KSR2: variants seen among roughly 807,000 people sequenced by gnomAD.
KSR2 encodes the protein kinase suppressor of ras 2.
A neutral mutation model predicts 107.8 loss-of-function variants in KSR2; 25 were observed. The ratio of observed to expected loss-of-function variants is 0.23; its 90% CI spans 0.17 to 0.32. The LOEUF (loss-of-function observed/expected upper bound fraction) is 0.32, where lower values mean the gene tolerates loss of function less well. Among genes scored for constraint, KSR2 ranks in the 10% least tolerant of loss-of-function variants. KSR2 has a pLI of 1.00. For synonymous variants in KSR2, 480 were observed against 507.0 expected, an observed-to-expected ratio of 0.95 and a Z score of 0.71; for missense variants, 887 against 1,268.9, an observed-to-expected ratio of 0.70 and a Z score of 4.57.
chr12:117,763,670 T>C (rs890884588), intron 3 of KSR2, among the ~76,000 whole-genome samples: 2 of 152,138 alleles, frequency 1.3e-5, no homozygotes, highest in Admixed American at 6.5e-5. Context: ...TGGGCTAAGG[T>C]GCAGATTGGC....
At chr12:117,496,873 CAG>C (rs1295756258) in intron 14 of KSR2, among the ~76,000 whole-genome samples, 2 of 148,376 alleles carry the variant, frequency 1.3e-5, no homozygotes, top group Admixed American at 6.7e-5. Context: ...TTTTTTGAGA[CAG>C]AGTCTCGCTC....
intron 4 of KSR2, among the ~76,000 whole-genome samples, chr12:117,712,166 T>C (rs1000639217): frequency 6.6e-6 from 1 of 152,030 alleles, no homozygotes. Flanking sequence ...GCAGGTGAGG[T>C]AGAAACCCAA....
chr12:117,786,009 G>A (rs1253232527), intron 3 of KSR2, among the ~76,000 whole-genome samples: 7 of 151,944 alleles, frequency 4.6e-5, no homozygotes, highest in African/African-American at 1.2e-4. Flanking sequence ...AGAAAACCAC[G>A]CCTAGGCACA....
chr12:117,843,833 A>G (rs1480312229), intron 3 of KSR2, among the ~76,000 whole-genome samples: 1 of 151,890 alleles, frequency 6.6e-6, no homozygotes, highest in Non-Finnish European at 1.5e-5. Context: ...CCCTTCCAAC[A>G]GCTGGACGTA....
At chr12:117,856,150 G>A (rs1303308357) in intron 2 of KSR2, among the ~76,000 whole-genome samples, 1 of 152,170 alleles carries the variant, frequency 6.6e-6, no homozygotes, top group African/African-American at 2.4e-5. Context: ...AACTAGGTTT[G>A]TTTTTGAGCC....
At chr12:117,614,100 A>C (rs1317999047) in intron 5 of KSR2, among the ~76,000 whole-genome samples, 1 of 152,234 alleles carries the variant, frequency 6.6e-6, no homozygotes, top group East Asian at 1.9e-4. Flanking sequence ...TGCCATATAC[A>C]TATATGTACT....
intron 4 of KSR2, among the ~76,000 whole-genome samples, chr12:117,713,185 T>C (rs1174412445): frequency 6.6e-6 from 1 of 151,432 alleles, no homozygotes; most frequent in African/African-American, 2.4e-5. Flanking sequence ...GATGGATAGT[T>C]ATAGATATGT....
chr12:117,674,478 A>G (rs1350527809), intron 4 of KSR2: 1 of 448,812 alleles, frequency 2.2e-6, no homozygotes, highest in Non-Finnish European at 4.5e-6. Context: ...ACCACTTCAA[A>G]AGGAAATCCC....
intron 4 of KSR2, among the ~76,000 whole-genome samples, chr12:117,743,472 T>A (rs1888295964): frequency 6.6e-6 from 1 of 152,056 alleles, no homozygotes; most frequent in Admixed American, 6.6e-5. Context: ...TGACTTGAGG[T>A]TTTCCAGAAC....
At chr12:117,953,639 T>C (rs916260436) in intron 1 of KSR2, among the ~76,000 whole-genome samples, 2 of 152,190 alleles carry the variant, frequency 1.3e-5, no homozygotes, top group African/African-American at 2.4e-5. Flanking sequence ...ACAGTTACCA[T>C]GTGCTGGGCC....
intron 4 of KSR2, 150 bp downstream of exon 4, chr12:117,760,861 C>T: frequency 1.0e-6 from 1 of 955,102 alleles, no homozygotes; most frequent in Non-Finnish European, 1.6e-6. Context: ...TTGCTCAGAA[C>T]CCTCTGTGAA....
chr12:117,566,740 A>G (rs1878518657), intron 7 of KSR2, among the ~76,000 whole-genome samples: 1 of 152,174 alleles, frequency 6.6e-6, no homozygotes, highest in Non-Finnish European at 1.5e-5. Flanking sequence ...GGGCTATGCT[A>G]GGCACTGGAG....
intron 5 of KSR2, among the ~76,000 whole-genome samples, chr12:117,595,351 C>CTTTTTTTTTTTTTTT (rs71099060): frequency 1.1e-5 from 1 of 94,596 alleles, no homozygotes. Flanking sequence ...AGATCAAATT[C>CTTTTTTTTTTTTTTT]TTTTTTTTTT....
rs1386040181 is a variant in KSR2, at chr12:117,860,342, G to A, written c.270C>T (p.Pro90=). The change falls in exon 2 of 20, where the codon CCC becomes CCT. Residue 90 remains proline (P), a synonymous_variant. Coordinates refer to ENST00000339824, the MANE Select transcript of KSR2 (RefSeq NM_173598.6). ...QERNAELDGF[P]QLRHWFRIVD... ...CGATTCGGAACCAGTGCCGTAGCTG[G>A]GGGAAGCCGTCCAGCTCCGCGTTGC... 2.5e-6 allele frequency: 4 copies of A among 1,613,752 alleles called. No individual in the cohort carries two copies. Among genetic ancestry groups the A allele is most frequent in the Non-Finnish European group, 3.4e-6 (4 of 1,179,820 alleles).
At chr12:117,590,157 G>A (rs1174020473) in intron 5 of KSR2, among the ~76,000 whole-genome samples, 1 of 152,236 alleles carries the variant, frequency 6.6e-6, no homozygotes, top group East Asian at 1.9e-4. Flanking sequence ...TTGAGACTAT[G>A]GCCTCAGTTC....
intron 4 of KSR2, among the ~76,000 whole-genome samples, chr12:117,731,807 G>A (rs1473938574): frequency 6.6e-6 from 1 of 150,602 alleles, no homozygotes; most frequent in Non-Finnish European, 1.5e-5. Flanking sequence ...GGTGCAAGAT[G>A]TGCTTTGTTA....
intron 5 of KSR2, among the ~76,000 whole-genome samples, chr12:117,650,362 C>A (rs751029917): frequency 6.6e-6 from 1 of 152,148 alleles, no homozygotes; most frequent in African/African-American, 2.4e-5. Flanking sequence ...ATTGTGGGAC[C>A]TTGTGATCGT....
intron 3 of KSR2, among the ~76,000 whole-genome samples, chr12:117,817,607 T>A (rs1322296607): frequency 6.6e-6 from 1 of 152,110 alleles, no homozygotes; most frequent in Non-Finnish European, 1.5e-5. Context: ...TAATACTATT[T>A]ATATATACTA....
intron 4 of KSR2, among the ~76,000 whole-genome samples, chr12:117,704,367 T>G (rs1490400493): frequency 6.6e-6 from 1 of 152,172 alleles, no homozygotes; most frequent in Non-Finnish European, 1.5e-5. Context: ...CAATTGCTAC[T>G]GATCTCAGAG....
Sources: allele counts gnomAD v4.1 joint callset (sites outside exome capture counted in the v4.1 genomes callset), GRCh38; gene constraint gnomAD v4.1.1; transcripts MANE v1.5; gene names NCBI Gene and HGNC (gene_info 2026-07-23, HGNC 2026-07-21).